Variants in CLIC2 observed in about 807,000 individuals in gnomAD.
CLIC2 encodes chloride intracellular channel protein 2.
In CLIC2, 9 loss-of-function variants were observed where a neutral mutation model predicts 14.8. The ratio of observed to expected loss-of-function variants is 0.61; its 90% CI spans 0.37 to 1.06. The LOEUF (loss-of-function observed/expected upper bound fraction) is 1.06, where lower values mean the gene tolerates loss of function less well. Among genes scored for constraint, CLIC2 ranks in the 50% least tolerant of loss-of-function variants. CLIC2 has a pLI of 0.01. For missense variants in CLIC2, 148 were observed against 181.4 expected (o/e 0.82, Z 1.06); for synonymous variants, 61 against 66.3 (o/e 0.92, Z 0.39).
intron 1 of CLIC2, among the ~76,000 whole-genome samples, chrX:155,321,226 A>G (rs1297748300): frequency 2.7e-5 from 3 of 110,947 alleles, no homozygotes; most frequent in African/African-American, 6.6e-5. Context: ...CCACAAAGAT[A>G]CTCCTCGAGA....
intron 1 of CLIC2, chrX:155,309,684 A>G (rs1331128575): frequency 6.1e-6 from 1 of 164,300 alleles, no homozygotes; most frequent in Non-Finnish European, 1.2e-5. Context: ...GCCCTTATAA[A>G]GCCATCAGAT....
intron 1 of CLIC2, among the ~76,000 whole-genome samples, chrX:155,307,889 G>C (rs971771685): frequency 1.6e-4 from 18 of 111,025 alleles, no homozygotes; most frequent in African/African-American, 5.6e-4. Context: ...AATAAATTGG[G>C]CAAAAGAGAG....
chrX:155,307,593 G>C (rs1447718528), intron 1 of CLIC2, among the ~76,000 whole-genome samples: 1 of 112,039 alleles, frequency 8.9e-6, no homozygotes, highest in African/African-American at 3.2e-5. Flanking sequence ...CTTTAAAAAT[G>C]GGCAAGAGAC....
At chrX:155,331,602 C>T (rs1472729527) in intron 1 of CLIC2, among the ~76,000 whole-genome samples, 1 of 111,370 alleles carries the variant, frequency 9.0e-6, no homozygotes, top group Non-Finnish European at 1.9e-5. Flanking sequence ...TAGGATGATG[C>T]TATGAGGTAG....
intron 1 of CLIC2, among the ~76,000 whole-genome samples, chrX:155,302,365 G>A (rs1271216550): frequency 4.5e-5 from 5 of 109,908 alleles, no homozygotes; most frequent in African/African-American, 6.6e-5. Context: ...GTTTATTTGC[G>A]TAGAGGTGTT....
chrX:155,285,476 C>T (rs1296788676), intron 3 of CLIC2, among the ~76,000 whole-genome samples: 2 of 111,935 alleles, frequency 1.8e-5, no homozygotes, highest in East Asian at 2.8e-4. Flanking sequence ...AAGAGGGATA[C>T]ATACATTTAT....
intron 1 of CLIC2, among the ~76,000 whole-genome samples, chrX:155,305,354 C>A (rs1557319889): frequency 8.9e-6 from 1 of 112,487 alleles, no homozygotes; most frequent in Non-Finnish European, 1.9e-5. Flanking sequence ...CCATCTGTCA[C>A]CCCTTTCTTT....
At chrX:155,300,169 T>A (rs1396211010) in intron 1 of CLIC2, among the ~76,000 whole-genome samples, 1 of 109,739 alleles carries the variant, frequency 9.1e-6, no homozygotes, top group African/African-American at 3.3e-5. Flanking sequence ...TCCACAATGG[T>A]TGAACTAGTT....
intron 1 of CLIC2, among the ~76,000 whole-genome samples, chrX:155,325,311 A>G (rs782437420): frequency 5.4e-5 from 6 of 111,663 alleles, no homozygotes; most frequent in Non-Finnish European, 9.4e-5. Context: ...ATGCACACAT[A>G]TGTTTACTGC....
At chrX:155,300,754 A>G (rs2075014017) in intron 1 of CLIC2, among the ~76,000 whole-genome samples, 1 of 94,899 alleles carries the variant, frequency 1.1e-5, no homozygotes, top group African/African-American at 3.7e-5. Flanking sequence ...TGATTTTTGT[A>G]TAAGGTGTAA....
At chrX:155,323,919 T>G (rs1157152309) in intron 1 of CLIC2, among the ~76,000 whole-genome samples, 1 of 112,130 alleles carries the variant, frequency 8.9e-6, no homozygotes, top group African/African-American at 3.2e-5. Flanking sequence ...GAACTCCCAT[T>G]CACAATTGCT....
intron 1 of CLIC2, among the ~76,000 whole-genome samples, chrX:155,308,703 G>C (rs782514383): frequency 2.7e-5 from 3 of 112,323 alleles, no homozygotes; most frequent in Non-Finnish European, 3.8e-5. Context: ...ACTTCAGTGC[G>C]TCTGGAAGCA....
At chrX:155,305,019 A>G (rs1337034188) in intron 1 of CLIC2, among the ~76,000 whole-genome samples, 1 of 111,153 alleles carries the variant, frequency 9.0e-6, no homozygotes, top group Non-Finnish European at 1.9e-5. Flanking sequence ...GGCAGAGGTT[A>G]CTGCTGTCTT....
At chrX:155,328,003 A>G (rs1557322500) in intron 1 of CLIC2, among the ~76,000 whole-genome samples, 1 of 111,211 alleles carries the variant, frequency 9.0e-6, no homozygotes, top group Non-Finnish European at 1.9e-5. Flanking sequence ...TATAGAGGGA[A>G]CATACCTCAA....
At chrX:155,313,853 G>T (rs924780187) in intron 1 of CLIC2, among the ~76,000 whole-genome samples, 1 of 112,030 alleles carries the variant, frequency 8.9e-6, no homozygotes, top group Non-Finnish European at 1.9e-5. Flanking sequence ...GGCACAGTGG[G>T]AGTAAGACTG....
intron 1 of CLIC2, among the ~76,000 whole-genome samples, chrX:155,310,094 T>G (rs181820473): frequency 9.9e-5 from 11 of 111,325 alleles, no homozygotes; most frequent in African/African-American, 2.9e-4. Context: ...ATGGGAGAAA[T>G]TGGCCAAAAC....
At chrX:155,324,435 C>T (rs7052359) in intron 1 of CLIC2, among the ~76,000 whole-genome samples, 60,635 of 110,259 alleles carry the variant, frequency 0.55, 14,284 homozygotes, top group Middle Eastern at 0.77. Flanking sequence ...CAATGGAACA[C>T]AACAGAGACC....
chrX:155,296,512 G>A (rs1041177275), intron 3 of CLIC2, among the ~76,000 whole-genome samples: 51 of 111,768 alleles, frequency 4.6e-4, no homozygotes, highest in African/African-American at 1.5e-3. Context: ...TAGACAAATA[G>A]GACTCAAGTA....
At chrX:155,323,516 T>C (rs1240149320) in intron 1 of CLIC2, among the ~76,000 whole-genome samples, 1 of 112,049 alleles carries the variant, frequency 8.9e-6, no homozygotes, top group Non-Finnish European at 1.9e-5. Flanking sequence ...CAACTAGTTA[T>C]TGATGGAATG....
Sources: gnomAD v4.1 joint callset for allele counts (sites outside exome capture counted in the v4.1 genomes callset) on GRCh38, gnomAD v4.1.1 for gene constraint, MANE v1.5 for transcripts, NCBI Gene and HGNC (gene_info 2026-07-23, HGNC 2026-07-21) for gene names.